PTPRN2: variants seen among roughly 807,000 people sequenced by gnomAD.
PTPRN2 encodes receptor-type tyrosine-protein phosphatase N2.
A neutral mutation model predicts 118.8 loss-of-function variants in PTPRN2; 74 were observed. That is an observed-to-expected ratio of 0.62 (90% CI 0.52 to 0.76). The LOEUF is 0.76. PTPRN2 is among the 30% of genes least tolerant of loss of function. The probability of loss-of-function intolerance (pLI) is 0.00; values close to 1 mark genes in which losing one functional copy is unlikely to be tolerated. For synonymous variants in PTPRN2, 641 were observed against 608.0 expected (o/e 1.05, Z -0.80); for missense variants, 1,481 against 1,394.4 (o/e 1.06, Z -0.99).
intron 10 of PTPRN2, among the ~76,000 whole-genome samples, chr7:158,102,342 C>A (rs1310500936): frequency 6.6e-6 from 1 of 152,170 alleles, no homozygotes; most frequent in African/African-American, 2.4e-5. Flanking sequence ...ATTCCAAAGC[C>A]ACCTCTTGTG....
chr7:157,963,468 A>G (rs1248888289), intron 11 of PTPRN2, among the ~76,000 whole-genome samples: 1 of 152,298 alleles, frequency 6.6e-6, no homozygotes, highest in African/African-American at 2.4e-5. Context: ...TCTGAGGTTA[A>G]GACCCAGTTC....
At position 158,470,993 on chromosome 7, in the gene PTPRN2, C is replaced by T. The variant is rs142062809; in HGVS notation, c.163+18742G>A. Among the ~76,000 whole-genome samples the T allele has an allele frequency of 5.6e-3, 845 of 152,232 alleles. 9 individuals are homozygous for T. The highest frequency in any genetic ancestry group is 0.019 in the African/African-American group (800 of 41,510). ...GGATTACGTGCGTGCACCACCATGC[C>T]CGACTAATTCTGTATTTTTATATTT... On this transcript the variant is annotated intron_variant, in intron 2 of 22. Coordinates refer to ENST00000389418, the MANE Select transcript of PTPRN2 (RefSeq NM_002847.5).
intron 12 of PTPRN2, among the ~76,000 whole-genome samples, chr7:157,733,273 T>TTC (rs1394690420): frequency 4.6e-5 from 1 of 21,574 alleles, no homozygotes; most frequent in African/African-American, 2.6e-4. Flanking sequence ...CAGTTACTCT[T>TTC]CCGTCCCATG....
At chr7:157,543,535 G>T (rs1798112956) in intron 22 of PTPRN2, among the ~76,000 whole-genome samples, 1 of 152,238 alleles carries the variant, frequency 6.6e-6, no homozygotes, top group Non-Finnish European at 1.5e-5. Context: ...GAGCTGCCAT[G>T]GCTCTCGGAC....
At chr7:158,451,666 T>G (rs1176947412) in intron 2 of PTPRN2, among the ~76,000 whole-genome samples, 6 of 152,214 alleles carry the variant, frequency 3.9e-5, no homozygotes, top group Non-Finnish European at 8.8e-5. Flanking sequence ...GAAGGGTGTT[T>G]AGAACGCTCG....
intron 1 of PTPRN2, among the ~76,000 whole-genome samples, chr7:158,548,431 AC>A (rs1208168314): frequency 6.6e-6 from 1 of 151,964 alleles, no homozygotes; most frequent in East Asian, 1.9e-4. Context: ...AGAGAGCACC[AC>A]CCACAAGGGT....
At position 158,146,677 on chromosome 7, in the gene PTPRN2, C is replaced by T. The variant is rs191914941; in HGVS notation, c.911-8162G>A. 4.8e-3 allele frequency among the ~76,000 whole-genome samples: 699 copies of T among 145,950 alleles called. 12 individuals are homozygous for T. Among genetic ancestry groups the T allele is most frequent in the African/African-American group, 0.017 (654 of 38,276 alleles). On this transcript the variant is annotated intron_variant, in intron 6 of 22. Coordinates refer to ENST00000389418, the MANE Select transcript of PTPRN2 (RefSeq NM_002847.5). Reference sequence around the variant, plus strand: ...CGGAGCTAGTAGTGAGCTGAGATCGCGCCACTGCACTCCAGCCTGGGCGAC... The same window carrying T: ...CGGAGCTAGTAGTGAGCTGAGATCGTGCCACTGCACTCCAGCCTGGGCGAC...
chr7:157,815,639 T>C lies in PTPRN2; in HGVS notation c.1788+83034A>G, dbSNP rs183649282. 7.2e-5 allele frequency among the ~76,000 whole-genome samples: 11 copies of C among 152,238 alleles called. 1 individual carries two copies. The highest frequency in any genetic ancestry group is 7.2e-4 in the Admixed American group (11 of 15,288). On this transcript the variant is annotated intron_variant, in intron 12 of 22. Transcript: ENST00000389418. The stretch of plus-strand genomic sequence containing the variant: ...TGCTGGCATCCTTTTAAAGGGACAT[T>C]CGGATGCAGACAGGCACTCATGGGG...
chr7:158,230,667 C>T (rs538258015), intron 3 of PTPRN2, among the ~76,000 whole-genome samples: 1 of 151,016 alleles, frequency 6.6e-6, no homozygotes, highest in East Asian at 1.9e-4. Flanking sequence ...AAAACTGTAA[C>T]ACATGCACTA....
chr7:158,400,612 C>A (rs889898331), intron 2 of PTPRN2, among the ~76,000 whole-genome samples: 1 of 152,190 alleles, frequency 6.6e-6, no homozygotes, highest in Non-Finnish European at 1.5e-5. Context: ...TACGATTCTC[C>A]TTGGGGTGAA....
chr7:158,520,587 G>A (rs1311026314), intron 1 of PTPRN2, among the ~76,000 whole-genome samples: 2 of 152,146 alleles, frequency 1.3e-5, no homozygotes, highest in African/African-American at 4.8e-5. Flanking sequence ...GAGCAACAGT[G>A]GCTCCAACCC....
rs115838499 is a variant in PTPRN2 at position 157,791,395 on chromosome 7, T to C, written c.1788+107278A>G. Among the ~76,000 whole-genome samples the C allele has an allele frequency of 7.5e-3, 1,142 of 152,356 alleles. 12 individuals are homozygous for C. Among genetic ancestry groups the C allele is most frequent in the African/African-American group, 0.026 (1,083 of 41,588 alleles). ...CACATATTCTCGTGCCTGGCGTGTTTTACGTGCTTGGGAAGCGGAGCGGCC... is the reference window on the plus strand; with the variant it reads ...CACATATTCTCGTGCCTGGCGTGTTCTACGTGCTTGGGAAGCGGAGCGGCC... On this transcript the variant is annotated intron_variant, in intron 12 of 22. Transcript: ENST00000389418.
intron 14 of PTPRN2, among the ~76,000 whole-genome samples, chr7:157,652,095 T>C (rs1805702297): frequency 6.6e-6 from 1 of 152,184 alleles, no homozygotes; most frequent in Admixed American, 6.5e-5. Flanking sequence ...AGAAGAAAAC[T>C]GGAATTTTTA....
chr7:157,912,134 T>C (rs1312101644), intron 11 of PTPRN2, among the ~76,000 whole-genome samples: 3 of 152,222 alleles, frequency 2.0e-5, no homozygotes, highest in Non-Finnish European at 2.9e-5. Flanking sequence ...AGGGATTCTA[T>C]CAATTTACAC....
chr7:158,002,517 T>C (rs1411356600), intron 11 of PTPRN2, among the ~76,000 whole-genome samples: 2 of 151,788 alleles, frequency 1.3e-5, no homozygotes, highest in Non-Finnish European at 2.9e-5. Flanking sequence ...CAGCATGCAG[T>C]GAAGGAACAA....
rs553554147 is a variant in PTPRN2, at chr7:158,113,168, T to G, written c.1557-2253A>C. On this transcript the variant is annotated intron_variant, in intron 9 of 22. Coordinates refer to ENST00000389418, the MANE Select transcript of PTPRN2 (RefSeq NM_002847.5). ...GAAGGAGAAGGGCCGGGCCTCAGATTGGTCCAGAGAGATGAGGATGGGGAG... is the reference window on the plus strand; with the variant it reads ...GAAGGAGAAGGGCCGGGCCTCAGATGGGTCCAGAGAGATGAGGATGGGGAG... Among the ~76,000 whole-genome samples, 5 of 152,110 alleles carry G rather than the reference T, an allele frequency of 3.3e-5. No homozygotes were observed. In the South Asian group the frequency reaches 1.0e-3, roughly 32 times the overall value.
intron 12 of PTPRN2, among the ~76,000 whole-genome samples, chr7:157,843,079 A>G (rs1310182836): frequency 1.3e-5 from 2 of 152,210 alleles, no homozygotes; most frequent in Non-Finnish European, 2.9e-5. Flanking sequence ...TCTTGATAGC[A>G]TAATATCTGA....
chr7:158,553,700 G>T (rs138171506), intron 1 of PTPRN2, among the ~76,000 whole-genome samples: 1 of 146,120 alleles, frequency 6.8e-6, no homozygotes, highest in African/African-American at 2.6e-5. Context: ...GGGAGTCTAC[G>T]CCACCTTCCC....
intron 11 of PTPRN2, among the ~76,000 whole-genome samples, chr7:158,018,680 G>T (rs1439139324): frequency 6.6e-6 from 1 of 152,092 alleles, no homozygotes; most frequent in Non-Finnish European, 1.5e-5. Context: ...AAGAAAGTAG[G>T]CCAGGCACAG....
Sources: allele counts gnomAD v4.1 joint callset (sites outside exome capture counted in the v4.1 genomes callset), GRCh38; gene constraint gnomAD v4.1.1; transcripts MANE v1.5; gene names NCBI Gene and HGNC (gene_info 2026-07-23, HGNC 2026-07-21).